Variants in ZNF587B observed in about 807,000 individuals in gnomAD.
The protein encoded by ZNF587B is zinc finger protein 587B.
Under a neutral mutation model 7.2 loss-of-function variants are expected in ZNF587B, and 6 were observed. That is an observed-to-expected ratio of 0.83 (90% CI 0.46 to 1.65). The LOEUF is 1.65. ZNF587B is among the 40% of genes most tolerant of loss of function. The pLI, the probability that ZNF587B is intolerant of heterozygous loss-of-function variation, is 0.01. For synonymous variants in ZNF587B, 274 were observed against 254.3 expected (o/e 1.08, Z -0.74); for missense variants, 749 against 761.0 (o/e 0.98, Z 0.19).
At position 57,841,702 on chromosome 19, in the gene ZNF587B, G is replaced by A. The variant is rs372167777; in HGVS notation, c.1028G>A (p.Ser343Asn). The A allele has an allele frequency of 1.3e-4, 214 of 1,606,740 alleles. 1 individual carries two copies. The African/African-American group carries it at 2.0e-3, about 15-fold the overall frequency. The change falls in exon 3 of 3, where the codon AGT becomes AAT. Residue 343 changes from serine (S) to asparagine (N), a missense_variant. Physicochemically the swap from Ser to Asn is conservative, Grantham distance 46 (BLOSUM62 1). Transcript: ENST00000594901. ...KSFSSNVNLK[S>N]HQRIHTGERP... ...TTTAGTTCAAACGTGAACCTTAAGA[G>A]TCATCAGCGCATTCACACTGGAGAG...
chr19:57,844,282 CA>C lies in ZNF587B; in HGVS notation c.*1708del, dbSNP rs1367318982. 4 of 414,380 alleles carry C rather than the reference CA, an allele frequency of 9.7e-6. No individual in the cohort carries two copies. Among genetic ancestry groups the C allele is most frequent in the Admixed American group, 2.9e-5 (1 of 35,032 alleles). 25.7% of individuals were successfully genotyped at this position (414,380 alleles called of 1,614,324 possible). On this transcript the variant is annotated 3_prime_UTR_variant, in exon 3 of 3. Coordinates refer to ENST00000594901, the MANE Select transcript of ZNF587B (RefSeq NM_001376223.1). ...TTGGGAGGCCGAGGTGGGTGGATCA[CA>C]AGGACAGGAAGGAGTTCAAGACCAG...
In ZNF587B at chr19:57,830,321, C is replaced by A. The variant is rs1417274959; in HGVS notation, c.-208C>A. The A allele has an allele frequency of 7.5e-6, 4 of 533,920 alleles. No homozygotes were observed. The highest frequency in any genetic ancestry group is 1.3e-5 in the Non-Finnish European group (4 of 300,278). 33.1% of individuals were successfully genotyped at this position (533,920 alleles called of 1,614,324 possible). A position where few individuals can be genotyped will look rare whatever the true frequency, so the allele number is the denominator to read the frequency against. On this transcript the variant is annotated 5_prime_UTR_variant, in exon 1 of 3. Transcript: ENST00000594901. ...TTTGATTGGTGTTGGGTTTATTTGT[C>A]GGAGAGGCTCCTGAGCGCTAGGTCG...
At chr19:57,838,292 A>AT (rs1198491127) in intron 1 of ZNF587B, among the ~76,000 whole-genome samples, 5 of 148,534 alleles carry the variant, frequency 3.4e-5, no homozygotes, top group Non-Finnish European at 7.4e-5. Flanking sequence ...CTCAAAAAAA[A>AT]ATAAAAAAAA....
chr19:57,841,987 A>G lies in ZNF587B; in HGVS notation c.1313A>G (p.Tyr438Cys), dbSNP rs780208376. Residue 438 changes from tyrosine to cysteine, a missense_variant, in exon 3 of 3, where the codon TAT becomes TGT. By Grantham distance (194) the Tyr-to-Cys change is radical. Around this residue, in one of 3 missense-constraint regions of ZNF587B, gnomAD observed 656 missense variants for 596.5 expected, o/e 1.10. Transcript: ENST00000594901. ...HQRVHTTERP[Y>C]KCGECGKCFS... Reference sequence around the variant, plus strand: ...CGAGTTCACACTACAGAAAGACCTTATAAGTGTGGGGAATGTGGGAAATGT... The same window carrying G: ...CGAGTTCACACTACAGAAAGACCTTGTAAGTGTGGGGAATGTGGGAAATGT... 1.6e-5 allele frequency: 26 copies of G among 1,607,650 alleles called. No homozygotes were observed. The African/African-American group carries it at 2.7e-4, about 17-fold the overall frequency.
Position 57,842,017 on chromosome 19 carries a change from G to C in ZNF587B, c.1343G>C (p.Ser448Thr), listed in dbSNP as rs555189166. The change falls in exon 3 of 3, where the codon AGT becomes ACT. Residue 448 changes from serine to threonine, a missense_variant. By Grantham distance (58) the Ser-to-Thr change is moderately conservative. Transcript: ENST00000594901. ...TGTGGGGAATGTGGGAAATGTTTTA[G>C]TCACAAGGGTAACCTCATTCTACAC... ...YKCGECGKCF[S>T]HKGNLILHQH... is the part of the protein sequence containing the mutation. The C allele has an allele frequency of 1.1e-5, 17 of 1,597,738 alleles. No individual in the cohort carries two copies. The South Asian group carries it at 1.8e-4, about 17-fold the overall frequency.
In ZNF587B at chr19:57,841,807, A is replaced by G. The variant is rs567652355; in HGVS notation, c.1133A>G (p.Glu378Gly). 3 of 1,611,062 alleles carry G rather than the reference A, an allele frequency of 1.9e-6. No individual in the cohort carries two copies. The highest frequency in any genetic ancestry group is 2.5e-6 in the Non-Finnish European group (3 of 1,178,878). The change falls in exon 3 of 3, where the codon GAA (glutamate) becomes GGA (glycine). Residue 378 changes from glutamate to glycine, a missense_variant. By Grantham distance (98) the Glu-to-Gly change is moderately conservative (BLOSUM62 -2). Transcript: ENST00000594901. Reference protein sequence around the residue: ...SLSYHQRIHTEVRPYKCGECG... With the variant: ...SLSYHQRIHTGVRPYKCGECG... ...AGTTACCATCAGCGCATTCACACTG[A>G]AGTAAGACCTTACAAGTGTGGAGAA...
At position 57,843,232 on chromosome 19, in the gene ZNF587B, T is replaced by G. The variant is rs1988926892; in HGVS notation, c.*656T>G. The G allele has an allele frequency of 1.8e-5, 17 of 925,648 alleles. No individual in the cohort carries two copies. In the South Asian group the frequency reaches 8.5e-4, roughly 46 times the overall value. 57.3% of individuals were successfully genotyped at this position (925,648 alleles called of 1,614,324 possible). ...GTATCGAACTCCTGAGCTCAAGCAA[T>G]CTGTACACCTCAGCCTCCCAAAGTG... On this transcript the variant is annotated 3_prime_UTR_variant, in exon 3 of 3. Transcript: ENST00000594901.
intron 1 of ZNF587B, among the ~76,000 whole-genome samples, chr19:57,835,147 G>A (rs1267589406): frequency 1.1e-5 from 1 of 91,782 alleles, no homozygotes; most frequent in Non-Finnish European, 2.1e-5. Flanking sequence ...GCTCCACATT[G>A]GAGAAAGGAA....
intron 1 of ZNF587B, among the ~76,000 whole-genome samples, chr19:57,837,923 G>GTAGA (rs1988688959): frequency 1.3e-5 from 2 of 152,144 alleles, no homozygotes; most frequent in Non-Finnish European, 2.9e-5. Context: ...GACGACATCT[G>GTAGA]TAGAATATCA....
chr19:57,836,033 T>A (rs1988588605), intron 1 of ZNF587B, among the ~76,000 whole-genome samples: 1 of 151,826 alleles, frequency 6.6e-6, no homozygotes, highest in South Asian at 2.1e-4. Context: ...GTGTTATGCA[T>A]TCACACAGGA....
Position 57,842,651 on chromosome 19 carries a change from T to C in ZNF587B, c.*75T>C, listed in dbSNP as rs1238728293. 7 of 1,347,158 alleles carry C rather than the reference T, an allele frequency of 5.2e-6. No individual in the cohort carries two copies. The highest frequency in any genetic ancestry group is 6.7e-5 in the Admixed American group (2 of 29,912). The allele number at this position is 1,347,158 out of a possible 1,614,324, so 83.5% of individuals were successfully genotyped here. A position where few individuals can be genotyped will look rare whatever the true frequency, so the allele number is the denominator to read the frequency against. On this transcript the variant is annotated 3_prime_UTR_variant, in exon 3 of 3. Transcript: ENST00000594901. ...AGTAAGATCTTGTGATTGCAGCAAATGTGGAAAATGTTTACCCAAAAGAAG... is the reference window on the plus strand; with the variant it reads ...AGTAAGATCTTGTGATTGCAGCAAACGTGGAAAATGTTTACCCAAAAGAAG...
At chr19:57,833,249 CA>C (rs1256265851) in intron 1 of ZNF587B, among the ~76,000 whole-genome samples, 2 of 147,802 alleles carry the variant, frequency 1.4e-5, no homozygotes, top group Non-Finnish European at 3.0e-5. Flanking sequence ...AGCTGGCACT[CA>C]AACTACAAGC....
In ZNF587B at chr19:57,841,732, C is replaced by G; in HGVS notation, c.1058C>G (p.Pro353Arg). ...CAGCGCATTCACACTGGAGAGAGAC[C>G]TTACAAGTGTGGAGAATGTGAGAAA... ...SHQRIHTGER[P>R]YKCGECEKSF... is the part of the protein sequence containing the mutation. Residue 353 changes from proline (P) to arginine (R), a missense_variant, in exon 3 of 3, where the codon CCT becomes CGT. Coordinates refer to ENST00000594901, the MANE Select transcript of ZNF587B (RefSeq NM_001376223.1). 6.2e-7 allele frequency: 1 copy of G among 1,608,288 alleles called. No homozygotes were observed. Among genetic ancestry groups the G allele is most frequent in the South Asian group, 1.1e-5 (1 of 90,542 alleles).
At chr19:57,837,360 G>A (rs1201157349) in intron 1 of ZNF587B, among the ~76,000 whole-genome samples, 1 of 151,316 alleles carries the variant, frequency 6.6e-6, no homozygotes, top group Non-Finnish European at 1.5e-5. Flanking sequence ...TGGTTCAAGT[G>A]ATTCTCCTGC....
intron 2 of ZNF587B, among the ~76,000 whole-genome samples, 193 bp from the exon 3 acceptor site, chr19:57,840,645 T>C (rs1357229914): frequency 2.0e-5 from 3 of 152,204 alleles, no homozygotes; most frequent in Non-Finnish European, 4.4e-5. Context: ...CTTTAACTTA[T>C]GAGGCCTCCT....
Position 57,840,909 on chromosome 19 carries a change from G to A in ZNF587B, c.235G>A (p.Val79Ile), listed in dbSNP as rs1272666726. ...QSIYIQRETQ[V>I]RTPVTGVSPK... ...TATTTATATACAAAGAGAGACTCAGGTCAGGACTCCTGTGACAGGTGTGTC... is the reference window on the plus strand; with the variant it reads ...TATTTATATACAAAGAGAGACTCAGATCAGGACTCCTGTGACAGGTGTGTC... The change falls in exon 3 of 3, where the codon GTC (valine) becomes ATC (isoleucine). Residue 79 changes from valine (V) to isoleucine (I), a missense_variant. This residue lies in a region of ZNF587B where 72 missense variants were observed against 147.8 expected (regional missense o/e 0.49). Coordinates refer to ENST00000594901, the MANE Select transcript of ZNF587B (RefSeq NM_001376223.1). 1 of 1,564,112 alleles carries A rather than the reference G, an allele frequency of 6.4e-7. No homozygotes were observed. The highest frequency in any genetic ancestry group is 8.7e-7 in the Non-Finnish European group (1 of 1,155,162).
rs2375155 is a variant in ZNF587B, at chr19:57,841,147, T to G, written c.473T>G (p.Val158Gly). 20 of 1,613,822 alleles carry G rather than the reference T, an allele frequency of 1.2e-5. No individual in the cohort carries two copies. The highest frequency in any genetic ancestry group is 1.6e-4 in the Middle Eastern group (1 of 6,080). ...GGGAGTGTTGAGGAGGCGTTGTTTGTGAAGAGGTGTAAGTTGCATGTGTCA... is the reference window on the plus strand; with the variant it reads ...GGGAGTGTTGAGGAGGCGTTGTTTGGGAAGAGGTGTAAGTTGCATGTGTCA... ...YRGSVEEALFVKRCKLHVSGE... is the reference protein window; with the variant it reads ...YRGSVEEALFGKRCKLHVSGE... The change falls in exon 3 of 3, where the codon GTG becomes GGG. Residue 158 changes from valine to glycine, a missense_variant. By Grantham distance (109) the Val-to-Gly change is moderately radical. Coordinates refer to ENST00000594901, the MANE Select transcript of ZNF587B (RefSeq NM_001376223.1).
At chr19:57,830,596 ACCT>A in intron 1 of ZNF587B, 32 bp downstream of exon 1, 1 of 1,548,774 alleles carries the variant, frequency 6.5e-7, no homozygotes, top group Non-Finnish European at 8.7e-7. Context: ...CCCTCAGGTC[ACCT>A]CATCATCACC....
chr19:57,841,599 T>G lies in ZNF587B; in HGVS notation c.925T>G (p.Leu309Val). ...TGAAGAATGTGGGAAATATTTTAGCTTAGAAGGATATCTTAGGCGCCATCA... is the reference window on the plus strand; with the variant it reads ...TGAAGAATGTGGGAAATATTTTAGCGTAGAAGGATATCTTAGGCGCCATCA... ...GCEECGKYFSLEGYLRRHQKV... is the reference protein window; with the variant it reads ...GCEECGKYFSVEGYLRRHQKV... The change falls in exon 3 of 3, where the codon TTA (leucine) becomes GTA (valine). Residue 309 changes from leucine to valine, a missense_variant. Around this residue, in one of 3 missense-constraint regions of ZNF587B, gnomAD observed 656 missense variants for 596.5 expected, o/e 1.10. Coordinates refer to ENST00000594901, the MANE Select transcript of ZNF587B (RefSeq NM_001376223.1). The G allele has an allele frequency of 6.3e-7, 1 of 1,578,636 alleles. No homozygotes were observed. Among genetic ancestry groups the G allele is most frequent in the Non-Finnish European group, 8.6e-7 (1 of 1,162,116 alleles).
Sources: allele counts gnomAD v4.1 joint callset (sites outside exome capture counted in the v4.1 genomes callset), GRCh38; gene constraint gnomAD v4.1.1; regional missense constraint gnomAD v4.1.1; transcripts MANE v1.5; gene names NCBI Gene and HGNC (gene_info 2026-07-23, HGNC 2026-07-21).